Variants in FRG1 observed in about 807,000 individuals in gnomAD.
The protein encoded by FRG1 is protein FRG1.
In FRG1, 19 loss-of-function variants were observed where a neutral mutation model predicts 37.0. That is an observed-to-expected ratio of 0.51 (90% CI 0.36 to 0.75). The LOEUF (loss-of-function observed/expected upper bound fraction) is 0.75. Ranked by LOEUF, FRG1 falls within the 30% of genes least tolerant of loss-of-function variation. The pLI, the probability that FRG1 is intolerant of heterozygous loss-of-function variation, is 0.00. For synonymous variants in FRG1, 73 were observed against 96.5 expected, an observed-to-expected ratio of 0.76 and a Z score of 1.43; for missense variants, 243 against 301.4, an observed-to-expected ratio of 0.81 and a Z score of 1.44.
chr4:189,941,009 C>T lies in FRG1; in HGVS notation c.-1C>T, dbSNP rs372297244. ...TCTCCGCGCAGAAGTTTCCCGGAGCCATGGCCGAGTACTCCTACGTGAAGT... is the reference window on the plus strand; with the variant it reads ...TCTCCGCGCAGAAGTTTCCCGGAGCTATGGCCGAGTACTCCTACGTGAAGT... On this transcript the variant is annotated 5_prime_UTR_variant, in exon 1 of 9. Transcript: ENST00000226798. The T allele has an allele frequency of 3.9e-4, 629 of 1,613,752 alleles. 6 individuals carry two copies. The South Asian group carries it at 6.6e-3, about 17-fold the overall frequency.
chr4:189,960,918 C>G, intron 7 of FRG1, 79 bp downstream of exon 7: 4 of 1,517,346 alleles, frequency 2.6e-6, no homozygotes, highest in Non-Finnish European at 3.6e-6. Flanking sequence ...AAATTACCTA[C>G]TTAGCTGGGC....
At chr4:189,958,408 A>C (rs1325552079) in intron 6 of FRG1, among the ~76,000 whole-genome samples, 1 of 152,232 alleles carries the variant, frequency 6.6e-6, no homozygotes, top group Non-Finnish European at 1.5e-5. Flanking sequence ...AACATAAAAA[A>C]TCATAGCAGA....
intron 4 of FRG1, among the ~76,000 whole-genome samples, 193 bp from the exon 5 acceptor site, chr4:189,954,844 T>C (rs1044752310): frequency 2.0e-5 from 3 of 152,156 alleles, no homozygotes; most frequent in African/African-American, 7.2e-5. Context: ...AATTCTCCCG[T>C]TGGCTTCCCA....
chr4:189,941,760 T>C, intron 1 of FRG1: 1 of 321,896 alleles, frequency 3.1e-6, no homozygotes, highest in Non-Finnish European at 6.3e-6. Flanking sequence ...GAGGAGGTCG[T>C]AATGGTAATT....
chr4:189,953,851 G>A (rs1736866638), intron 4 of FRG1, among the ~76,000 whole-genome samples: 2 of 151,552 alleles, frequency 1.3e-5, no homozygotes, highest in African/African-American at 4.8e-5. Flanking sequence ...AAAAGCAGAG[G>A]AAGAAAAAAT....
chr4:189,946,311 C>CAA (rs34356772), intron 2 of FRG1, among the ~76,000 whole-genome samples: 1,238 of 105,612 alleles, frequency 0.012, 25 homozygotes, highest in African/African-American at 0.035. Flanking sequence ...GCTGATAAGC[C>CAA]AAAAAAAAAA....
In FRG1 at chr4:189,961,083, G is replaced by A. The variant is rs149384624; in HGVS notation, c.629+244G>A. The A allele has an allele frequency of 4.2e-3, 1,698 of 404,096 alleles. 33 individuals carry two copies. The highest frequency in any genetic ancestry group is 0.031 in the African/African-American group (1,533 of 49,394). The allele number at this position is 404,096 out of a possible 1,614,324, so 25.0% of individuals were successfully genotyped here. A position where few individuals can be genotyped will look rare whatever the true frequency, so the allele number is the denominator to read the frequency against. On this transcript the variant is annotated intron_variant, in intron 7 of 8. Coordinates refer to ENST00000226798, the MANE Select transcript of FRG1 (RefSeq NM_004477.3). ...CGTGTCTGAAAAAATGAAACTGATGGACAAGAAGAGACGACACAATGTAGC... is the reference window on the plus strand; with the variant it reads ...CGTGTCTGAAAAAATGAAACTGATGAACAAGAAGAGACGACACAATGTAGC...
intron 1 of FRG1, 94 bp downstream of exon 1, chr4:189,941,165 G>A: frequency 3.5e-6 from 4 of 1,145,432 alleles, no homozygotes; most frequent in Non-Finnish European, 5.2e-6. Context: ...CGGAGAGCCG[G>A]CTTTGTGGCC....
chr4:189,950,249 C>A (rs1579627489), intron 2 of FRG1, among the ~76,000 whole-genome samples: 1 of 152,160 alleles, frequency 6.6e-6, no homozygotes, highest in East Asian at 1.9e-4. Flanking sequence ...TTTTGGAGTT[C>A]TCTATATAGT....
chr4:189,956,899 A>G (rs369571008), intron 5 of FRG1, among the ~76,000 whole-genome samples: 1 of 152,226 alleles, frequency 6.6e-6, no homozygotes, highest in African/African-American at 2.4e-5. Flanking sequence ...CAACTAAAAA[A>G]GTATATGAAT....
chr4:189,943,489 C>T (rs1736406351), intron 2 of FRG1, among the ~76,000 whole-genome samples: 1 of 152,172 alleles, frequency 6.6e-6, no homozygotes, highest in Non-Finnish European at 1.5e-5. Context: ...AACTCTCTGA[C>T]TTAGTAGGCA....
chr4:189,945,550 A>G (rs1165730567), intron 2 of FRG1, among the ~76,000 whole-genome samples: 5 of 152,016 alleles, frequency 3.3e-5, no homozygotes, highest in Admixed American at 3.3e-4. Context: ...TATTGGTTTC[A>G]TTTTCAACTT....
intron 2 of FRG1, among the ~76,000 whole-genome samples, chr4:189,944,754 T>TA (rs1267567420): frequency 1.3e-5 from 2 of 152,328 alleles, no homozygotes; most frequent in African/African-American, 4.8e-5. Context: ...GTTCTATCGA[T>TA]ACGTTTGTCT....
intron 2 of FRG1, among the ~76,000 whole-genome samples, chr4:189,949,795 T>C (rs1465109903): frequency 6.6e-6 from 1 of 152,240 alleles, no homozygotes; most frequent in Non-Finnish European, 1.5e-5. Flanking sequence ...ATTAGTTTTA[T>C]TTCTTTTTAA....
chr4:189,946,652 AT>A (rs1189081737), intron 2 of FRG1, among the ~76,000 whole-genome samples: 1 of 151,734 alleles, frequency 6.6e-6, no homozygotes, highest in Non-Finnish European at 1.5e-5. Context: ...TTTCCTTGTG[AT>A]TTTTCTTTTC....
intron 5 of FRG1, 97 bp downstream of exon 5, chr4:189,955,248 C>T (rs1736934035): frequency 1.4e-6 from 1 of 702,532 alleles, no homozygotes; most frequent in African/African-American, 1.8e-5. Flanking sequence ...AAGTAGGATG[C>T]AATAGTGTAA....
chr4:189,941,759 G>C (rs981497792), intron 1 of FRG1: 3 of 318,000 alleles, frequency 9.4e-6, no homozygotes, highest in Non-Finnish European at 1.3e-5. Flanking sequence ...GGAGGAGGTC[G>C]TAATGGTAAT....
intron 2 of FRG1, among the ~76,000 whole-genome samples, chr4:189,945,283 C>T (rs952987165): frequency 6.6e-6 from 1 of 152,202 alleles, no homozygotes. Context: ...TCCAGGACTT[C>T]TATAGCATTG....
intron 5 of FRG1, among the ~76,000 whole-genome samples, chr4:189,956,235 C>T (rs1469585005): frequency 2.6e-5 from 4 of 152,022 alleles, no homozygotes; most frequent in Non-Finnish European, 2.9e-5. Context: ...CCCCCCATAC[C>T]GTACAGGAAA....
Sources: allele counts gnomAD v4.1 joint callset (sites outside exome capture counted in the v4.1 genomes callset), GRCh38; gene constraint gnomAD v4.1.1; transcripts MANE v1.5; gene names NCBI Gene and HGNC (gene_info 2026-07-23, HGNC 2026-07-21).